Variants in SLC22A4 observed in about 807,000 individuals in gnomAD.
SLC22A4 encodes the protein ET transporter.
SLC22A4 carries 39 observed loss-of-function variants against 56.6 expected under a neutral mutation model. The ratio of observed to expected loss-of-function variants is 0.69; its 90% CI spans 0.53 to 0.90. SLC22A4 has a LOEUF of 0.90. SLC22A4 is among the 40% of genes least tolerant of loss of function. The pLI, the probability that SLC22A4 is intolerant of heterozygous loss-of-function variation, is 0.00. For synonymous variants in SLC22A4, 241 were observed against 281.4 expected, an observed-to-expected ratio of 0.86 and a Z score of 1.44; for missense variants, 594 against 696.5, an observed-to-expected ratio of 0.85 and a Z score of 1.66.
At chr5:132,306,400 T>C (rs1296577933) in intron 1 of SLC22A4, among the ~76,000 whole-genome samples, 1 of 37,606 alleles carries the variant, frequency 2.7e-5, no homozygotes, top group Non-Finnish European at 4.3e-5. Flanking sequence ...TATATATATA[T>C]ATATATATAT....
At chr5:132,339,009 A>G (rs1264250859) in intron 8 of SLC22A4, among the ~76,000 whole-genome samples, 1 of 152,210 alleles carries the variant, frequency 6.6e-6, no homozygotes, top group Non-Finnish European at 1.5e-5. Context: ...ATTTATGTTC[A>G]GAGATTGCAG....
chr5:132,337,557 T>C (rs934556963), intron 8 of SLC22A4, among the ~76,000 whole-genome samples: 19 of 136,886 alleles, frequency 1.4e-4, no homozygotes, highest in Non-Finnish European at 3.2e-5. Context: ...GATTACAGGT[T>C]TGAGCCACAG....
chr5:132,327,350 G>C lies in SLC22A4; in HGVS notation c.898G>C (p.Ala300Pro). 6.2e-7 allele frequency: 1 copy of C among 1,612,170 alleles called. No homozygotes were observed. Among genetic ancestry groups the C allele is most frequent in the South Asian group, 1.1e-5 (1 of 91,040 alleles). ...AGAGGCTGAAGATATCATCCAAAAA[G>C]CTGCAAAAATGAACAACATAGCTGT... ...FREAEDIIQK[A>P]AKMNNIAVPA... is the part of the protein sequence containing the mutation. The change falls in exon 5 of 10, where the codon GCT becomes CCT. Residue 300 changes from alanine to proline, a missense_variant. Ala to Pro is a conservative substitution (Grantham distance 27). Transcript: ENST00000200652.
At chr5:132,320,561 C>A (rs377033102) in intron 3 of SLC22A4, among the ~76,000 whole-genome samples, 3 of 152,154 alleles carry the variant, frequency 2.0e-5, no homozygotes, top group Non-Finnish European at 4.4e-5. Context: ...TTGTCTCCAA[C>A]ATGGGATGCA....
chr5:132,337,987 C>T (rs1751079153), intron 8 of SLC22A4, among the ~76,000 whole-genome samples: 1 of 151,798 alleles, frequency 6.6e-6, no homozygotes, highest in Non-Finnish European at 1.5e-5. Flanking sequence ...TCAGGTGATC[C>T]ACCTGCCTTG....
At chr5:132,300,481 C>T (rs888691697) in intron 1 of SLC22A4, among the ~76,000 whole-genome samples, 1 of 152,196 alleles carries the variant, frequency 6.6e-6, no homozygotes. Flanking sequence ...CTGATTCCTT[C>T]AACATTTATT....
intron 8 of SLC22A4, among the ~76,000 whole-genome samples, chr5:132,337,268 CCT>C (rs1491394205): frequency 7.7e-4 from 52 of 67,172 alleles, no homozygotes; most frequent in East Asian, 7.5e-4. Context: ...ATAAAGATTA[CCT>C]TTTTTTTTTT....
At chr5:132,310,786 C>T (rs1381669500) in intron 1 of SLC22A4, among the ~76,000 whole-genome samples, 1 of 152,206 alleles carries the variant, frequency 6.6e-6, no homozygotes, top group East Asian at 1.9e-4. Flanking sequence ...TCTTTCGGAT[C>T]TCAGTATTCA....
At chr5:132,328,832 TATATATACAC>T (rs1194773832) in intron 5 of SLC22A4, among the ~76,000 whole-genome samples, 4 of 37,848 alleles carry the variant, frequency 1.1e-4, no homozygotes, top group East Asian at 1.0e-3. Flanking sequence ...TTTATATATA[TATATATACAC>T]ACACACACAC....
intron 1 of SLC22A4, chr5:132,295,546 C>T (rs1295479508): frequency 5.9e-6 from 2 of 338,090 alleles, no homozygotes; most frequent in African/African-American, 2.2e-5. Context: ...TCCTGAGGCT[C>T]ATTGGGTGCA....
Position 132,294,942 on chromosome 5 carries a change from A to T in SLC22A4, c.326A>T (p.Glu109Val), listed in dbSNP as rs749511874. ...CGCGACGTGGACCTGGGGCAGCTGG[A>T]GCAGGAGAGCTGCCTGGATGGCTGG... ...PGRDVDLGQL[E>V]QESCLDGWEF... The change falls in exon 1 of 10, where the codon GAG becomes GTG. Residue 109 changes from glutamate to valine, a missense_variant. Coordinates refer to ENST00000200652, the MANE Select transcript of SLC22A4 (RefSeq NM_003059.3). The surrounding 1 kb of genome is among the most constrained non-coding windows in gnomAD (Gnocchi z 5.6). 1 of 1,603,578 alleles carries T rather than the reference A, an allele frequency of 6.2e-7. No individual in the cohort carries two copies. The highest frequency in any genetic ancestry group is 8.5e-7 in the Non-Finnish European group (1 of 1,175,746).
At chr5:132,342,441 T>A (rs1365509586) in intron 9 of SLC22A4, among the ~76,000 whole-genome samples, 1 of 151,856 alleles carries the variant, frequency 6.6e-6, no homozygotes, top group Non-Finnish European at 1.5e-5. Context: ...TGCGCAAGGG[T>A]TTTTCTTCTT....
intron 1 of SLC22A4, chr5:132,295,309 G>A (rs1749756748): frequency 3.3e-6 from 2 of 611,774 alleles, no homozygotes; most frequent in Non-Finnish European, 6.3e-6. Flanking sequence ...TTGCGTTGGG[G>A]GAAGCGCAGC....
intron 9 of SLC22A4, among the ~76,000 whole-genome samples, chr5:132,342,516 A>G (rs1580853031): frequency 6.6e-6 from 1 of 152,306 alleles, no homozygotes. Flanking sequence ...ACAATACCTA[A>G]ATTTAGCATC....
chr5:132,326,716 G>C (rs557253609), intron 4 of SLC22A4, among the ~76,000 whole-genome samples: 107 of 152,318 alleles, frequency 7.0e-4, no homozygotes, highest in African/African-American at 2.4e-3. Context: ...AGCTGGTTTG[G>C]GCACTCGCTG....
At chr5:132,307,610 G>A (rs939954225) in intron 1 of SLC22A4, among the ~76,000 whole-genome samples, 8 of 152,328 alleles carry the variant, frequency 5.3e-5, no homozygotes, top group East Asian at 3.9e-4. Context: ...AATGAGGCCT[G>A]TAATGTGTCA....
chr5:132,294,538 A>T lies in SLC22A4; in HGVS notation c.-79A>T. ...CGGGAACGTTCTAACATCCTTGGGG[A>T]GCGCCCCAGCTACAAGACACTGTCC... On this transcript the variant is annotated 5_prime_UTR_variant, in exon 1 of 10. Transcript: ENST00000200652. The surrounding 1 kb of genome is among the most constrained non-coding windows in gnomAD (Gnocchi z 5.6). 2.5e-6 allele frequency: 4 copies of T among 1,599,084 alleles called. No homozygotes were observed. The highest frequency in any genetic ancestry group is 3.4e-6 in the Non-Finnish European group (4 of 1,170,074).
Position 132,327,313 on chromosome 5 carries a change from G to A in SLC22A4, c.861G>A (p.Gln287=). 6.2e-7 allele frequency: 1 copy of A among 1,607,728 alleles called. No individual in the cohort carries two copies. ...AATCTCCCCGATGGCTGATATCCCA[G>A]AGAAGATTTAGAGAGGCTGAAGATA... ...IPESPRWLIS[Q]RRFREAEDII... Residue 287 remains glutamine, a synonymous_variant, in exon 5 of 10, where the codon CAG becomes CAA. Transcript: ENST00000200652.
chr5:132,314,062 AGAG>A (rs1750264287), intron 3 of SLC22A4, among the ~76,000 whole-genome samples: 2 of 152,230 alleles, frequency 1.3e-5, no homozygotes, highest in Non-Finnish European at 2.9e-5. Context: ...AGAGAGGCAC[AGAG>A]GAGGACAGTT....
Sources: gnomAD v4.1 joint callset for allele counts (sites outside exome capture counted in the v4.1 genomes callset) on GRCh38, gnomAD v4.1.1 for gene constraint, Gnocchi (gnomAD v3.1) non-coding constraint, MANE v1.5 for transcripts, NCBI Gene and HGNC (gene_info 2026-07-23, HGNC 2026-07-21) for gene names.